The following ROBO2 variants were observed in gnomAD, a reference collection of about 807,000 sequenced individuals.
ROBO2 encodes the protein roundabout homolog 2.
Under a neutral mutation model 160.8 loss-of-function variants are expected in ROBO2, and 53 were observed. The observed-to-expected ratio is 0.33, with a 90% CI of 0.26 to 0.41. The LOEUF (loss-of-function observed/expected upper bound fraction) is 0.41. Ranked by LOEUF, ROBO2 falls within the 10% of genes least tolerant of loss-of-function variation. The pLI, the probability that ROBO2 is intolerant of heterozygous loss-of-function variation, is 1.00. For missense variants in ROBO2, 1,577 were observed against 1,722.4 expected, an observed-to-expected ratio of 0.92 and a Z score of 1.49; for synonymous variants, 664 against 611.7, an observed-to-expected ratio of 1.09 and a Z score of -1.26.
At chr3:76,255,426 A>G (rs1413153494) in intron 2 of ROBO2, among the ~76,000 whole-genome samples, 1 of 152,100 alleles carries the variant, frequency 6.6e-6, no homozygotes, top group African/African-American at 2.4e-5. Flanking sequence ...GTGAAAGATG[A>G]CACTTGCTCT....
chr3:76,221,209 T>C (rs1703942836), intron 2 of ROBO2, among the ~76,000 whole-genome samples: 1 of 152,212 alleles, frequency 6.6e-6, no homozygotes, highest in Non-Finnish European at 1.5e-5. Flanking sequence ...GATAAAGTCA[T>C]GAGCATGGGA....
intron 2 of ROBO2, among the ~76,000 whole-genome samples, chr3:75,957,291 GTTTC>G (rs1249428497): frequency 6.7e-6 from 1 of 149,968 alleles, no homozygotes; most frequent in Non-Finnish European, 1.5e-5. Context: ...TTTTCATTTG[GTTTC>G]TTTGTTCCTA....
intron 2 of ROBO2, among the ~76,000 whole-genome samples, chr3:77,328,117 T>C (rs1185741729): frequency 6.6e-6 from 1 of 150,846 alleles, no homozygotes; most frequent in Non-Finnish European, 1.5e-5. Context: ...AATGTTCCTG[T>C]TTACTCACCC....
At chr3:77,117,567 A>G (rs2074332307) in intron 2 of ROBO2, among the ~76,000 whole-genome samples, 2 of 152,140 alleles carry the variant, frequency 1.3e-5, no homozygotes, top group African/African-American at 4.8e-5. Flanking sequence ...TTTTCTTCAT[A>G]TCTGTATTTC....
chr3:77,520,596 T>C (rs1200989393), intron 5 of ROBO2, among the ~76,000 whole-genome samples: 2 of 151,098 alleles, frequency 1.3e-5, no homozygotes, highest in East Asian at 2.0e-4. Context: ...TAACTTTATC[T>C]CCCCTCTTGT....
intron 2 of ROBO2, among the ~76,000 whole-genome samples, chr3:77,221,014 C>A (rs2085715020): frequency 6.6e-6 from 1 of 152,136 alleles, no homozygotes; most frequent in Non-Finnish European, 1.5e-5. Flanking sequence ...TTGTCAGTGT[C>A]CTTTACATAT....
chr3:76,101,197 C>G (rs72894548), intron 2 of ROBO2, among the ~76,000 whole-genome samples: 4,937 of 152,010 alleles, frequency 0.032, 292 homozygotes, highest in African/African-American at 0.11. Context: ...GATTACTTCT[C>G]AAAGGAATTA....
At chr3:77,582,407 A>G (rs995103251) in intron 16 of ROBO2, among the ~76,000 whole-genome samples, 1 of 152,068 alleles carries the variant, frequency 6.6e-6, no homozygotes, top group African/African-American at 2.4e-5. Flanking sequence ...TTTTAATCCA[A>G]TCTAGCAATC....
chr3:76,219,396 G>A (rs1416473673), intron 2 of ROBO2, among the ~76,000 whole-genome samples: 100 of 152,256 alleles, frequency 6.6e-4, no homozygotes, highest in Non-Finnish European at 7.4e-5. Flanking sequence ...GCAACCTACA[G>A]CATGGGAGAA....
intron 2 of ROBO2, among the ~76,000 whole-genome samples, chr3:77,341,277 C>G (rs1040642079): frequency 1.3e-5 from 2 of 152,036 alleles, no homozygotes; most frequent in East Asian, 3.9e-4. Context: ...TCTATTAGAG[C>G]AGAGGTGAAA....
chr3:77,342,498 G>A (rs2067173140), intron 2 of ROBO2, among the ~76,000 whole-genome samples: 1 of 152,108 alleles, frequency 6.6e-6, no homozygotes, highest in Non-Finnish European at 1.5e-5. Flanking sequence ...CTAGAGAGTT[G>A]CATGTATGAA....
intron 2 of ROBO2, among the ~76,000 whole-genome samples, chr3:76,092,693 ATACT>A (rs1451303670): frequency 6.6e-6 from 1 of 152,200 alleles, no homozygotes; most frequent in Non-Finnish European, 1.5e-5. Context: ...CTTCAGCTAC[ATACT>A]TTGTAAAATT....
chr3:76,910,606 G>C (rs1313728941), intron 2 of ROBO2, among the ~76,000 whole-genome samples: 2 of 151,302 alleles, frequency 1.3e-5, no homozygotes, highest in Non-Finnish European at 2.9e-5. Context: ...TGCACCTGTA[G>C]TCCGAGCTAC....
intron 2 of ROBO2, among the ~76,000 whole-genome samples, chr3:76,041,739 T>G (rs181590530): frequency 1.3e-5 from 2 of 152,022 alleles, no homozygotes; most frequent in Non-Finnish European, 2.9e-5. Flanking sequence ...TTGAAAATTA[T>G]AAGGTCATTC....
chr3:76,635,169 TA>T (rs1465540650), intron 2 of ROBO2, among the ~76,000 whole-genome samples: 1 of 152,200 alleles, frequency 6.6e-6, no homozygotes, highest in Non-Finnish European at 1.5e-5. Context: ...CCGTATGACT[TA>T]GACTAAGTCA....
At chr3:76,881,095 T>C (rs887371539) in intron 2 of ROBO2, among the ~76,000 whole-genome samples, 1 of 152,196 alleles carries the variant, frequency 6.6e-6, no homozygotes, top group Non-Finnish European at 1.5e-5. Context: ...TGTGTACTGT[T>C]TGATCTTTCA....
chr3:76,237,293 A>G (rs1705003935), intron 2 of ROBO2, among the ~76,000 whole-genome samples: 1 of 152,146 alleles, frequency 6.6e-6, no homozygotes. Flanking sequence ...AATCTGTGGA[A>G]CCTATCAATA....
chr3:76,446,373 G>A (rs1023820146), intron 2 of ROBO2, among the ~76,000 whole-genome samples: 5 of 152,206 alleles, frequency 3.3e-5, no homozygotes. Context: ...ACAAATCACT[G>A]CTCAACGAAA....
At chr3:76,634,874 C>G (rs2090237375) in intron 2 of ROBO2, among the ~76,000 whole-genome samples, 1 of 152,234 alleles carries the variant, frequency 6.6e-6, no homozygotes, top group African/African-American at 2.4e-5. Context: ...AGAGCTCTGC[C>G]TCCTGCCAGA....
Sources: gnomAD v4.1 joint callset for allele counts (sites outside exome capture counted in the v4.1 genomes callset) on GRCh38, gnomAD v4.1.1 for gene constraint, MANE v1.5 for transcripts, NCBI Gene and HGNC (gene_info 2026-07-23, HGNC 2026-07-21) for gene names.